The following TSLP variants were observed in gnomAD, a reference collection of about 807,000 sequenced individuals.
TSLP encodes thymic stroma-derived lymphopoietin.
In TSLP, 12 loss-of-function variants were observed where a neutral mutation model predicts 12.4. That is an observed-to-expected ratio of 0.97 (90% CI 0.62 to 1.57). TSLP has a LOEUF of 1.57. Among genes scored for constraint, TSLP ranks in the 40% most tolerant of loss-of-function variants. The pLI is 0.00. For missense variants in TSLP, 222 were observed against 189.6 expected (o/e 1.17, Z -1.00); for synonymous variants, 97 against 69.5 (o/e 1.40, Z -1.97).
At chr5:111,072,861 T>C (rs771372746) in intron 1 of TSLP, 27 bp from the exon 2 acceptor site, 1 of 1,613,548 alleles carries the variant, frequency 6.2e-7, no homozygotes, top group Non-Finnish European at 8.5e-7. Flanking sequence ...GTCTTTACCC[T>C]CTTTGTCCTA....
intron 3 of TSLP, 130 bp from the exon 4 acceptor site, chr5:111,075,816 A>G: frequency 3.2e-6 from 3 of 935,106 alleles, no homozygotes; most frequent in Non-Finnish European, 4.8e-6. Flanking sequence ...ACATGCTAGC[A>G]CATAGTAAGC....
intron 2 of TSLP, 105 bp downstream of exon 2, chr5:111,073,037 C>T (rs1395650593): frequency 1.5e-6 from 2 of 1,374,504 alleles, no homozygotes; most frequent in East Asian, 2.3e-5. Flanking sequence ...GCCTGGGCTC[C>T]GGGACGCCGC....
chr5:111,075,766 G>T (rs1193087634), intron 3 of TSLP, among the ~76,000 whole-genome samples, 180 bp from the exon 4 acceptor site: 1 of 152,142 alleles, frequency 6.6e-6, no homozygotes, highest in Non-Finnish European at 1.5e-5. Flanking sequence ...AGCAAAAGTA[G>T]GTGGGTACAG....
intron 3 of TSLP, among the ~76,000 whole-genome samples, chr5:111,073,856 C>T (rs1488077541): frequency 6.6e-6 from 1 of 152,150 alleles, no homozygotes; most frequent in Non-Finnish European, 1.5e-5. Flanking sequence ...ACTGTTTTGG[C>T]TGAATTATGG....
Position 111,077,667 on chromosome 5 carries a change from C to T in TSLP, c.*1593C>T, listed in dbSNP as rs1752551046. The T allele has an allele frequency of 6.6e-6, 1 of 152,554 alleles. No homozygotes were observed. Among genetic ancestry groups the T allele is most frequent in the African/African-American group, 2.4e-5 (1 of 41,430 alleles). The allele number at this position is 152,554 out of a possible 1,614,324, so 9.5% of individuals were successfully genotyped here. On this transcript the variant is annotated 3_prime_UTR_variant, in exon 4 of 4. Transcript: ENST00000344895. ...TTTCACAAAATTTTGGGCCCAATTC[C>T]CCTAAAAGAATTGAGGATTAGGGAG...
intron 3 of TSLP, among the ~76,000 whole-genome samples, chr5:111,074,773 C>T (rs542997164): frequency 1.6e-4 from 24 of 151,970 alleles, no homozygotes; most frequent in Non-Finnish European, 2.9e-4. Context: ...GTGCCCGCCA[C>T]CACGCCTGGC....
chr5:111,074,542 G>T (rs556410480), intron 3 of TSLP, among the ~76,000 whole-genome samples: 1 of 151,736 alleles, frequency 6.6e-6, no homozygotes, highest in African/African-American at 2.4e-5. Context: ...AACAGAGAGA[G>T]ACAAGTGCAG....
At chr5:111,075,068 G>C (rs571562200) in intron 3 of TSLP, among the ~76,000 whole-genome samples, 2 of 152,260 alleles carry the variant, frequency 1.3e-5, no homozygotes, top group East Asian at 3.9e-4. Flanking sequence ...TCTGCAGATG[G>C]CTACAATAAA....
chr5:111,071,524 GA>G, upstream of TSLP: 3 of 1,548,266 alleles, frequency 1.9e-6, no homozygotes, highest in Non-Finnish European at 2.6e-6. Context: ...GAAGGTGAGG[GA>G]AATTCCTGAT....
intron 3 of TSLP, among the ~76,000 whole-genome samples, chr5:111,074,502 G>A (rs538173647): frequency 2.0e-5 from 3 of 152,228 alleles, no homozygotes; most frequent in Non-Finnish European, 4.4e-5. Flanking sequence ...AGCAAGTAGA[G>A]GATTTATCTT....
intron 3 of TSLP, 85 bp downstream of exon 3, chr5:111,073,730 A>G: frequency 6.9e-7 from 1 of 1,446,222 alleles, no homozygotes; most frequent in Non-Finnish European, 9.4e-7. Context: ...TCGTTCTCTT[A>G]TTTTTATTTA....
intron 3 of TSLP, among the ~76,000 whole-genome samples, chr5:111,074,782 G>A (rs998589929): frequency 6.6e-6 from 1 of 151,912 alleles, no homozygotes; most frequent in African/African-American, 2.4e-5. Flanking sequence ...ACCACGCCTG[G>A]CTAACTTTTG....
Position 111,077,697 on chromosome 5 carries a change from G to A in TSLP, c.*1623G>A, listed in dbSNP as rs552998088. ...AAAGAATTGAGGATTAGGGAGAAAGGAGACAACTCAAAGTCATCCCATTAA... is the reference window on the plus strand; with the variant it reads ...AAAGAATTGAGGATTAGGGAGAAAGAAGACAACTCAAAGTCATCCCATTAA... On this transcript the variant is annotated 3_prime_UTR_variant, in exon 4 of 4. Coordinates refer to ENST00000344895, the MANE Select transcript of TSLP (RefSeq NM_033035.5). 2 of 152,682 alleles carry A rather than the reference G, an allele frequency of 1.3e-5. No individual in the cohort carries two copies. Among genetic ancestry groups the A allele is most frequent in the South Asian group, 4.1e-4 (2 of 4,820 alleles). 9.5% of individuals were successfully genotyped at this position (152,682 alleles called of 1,614,324 possible).
rs1403546097 is a variant in TSLP, at chr5:111,072,063, T to G, written c.171+2T>G. On this transcript the variant is annotated splice_donor_variant, in intron 1 of 3. Transcript: ENST00000344895. LOFTEE classifies it high-confidence loss of function. ...GACCTGATTACATATATGAGTGGGG[T>G]AAGTGAAGAAGCTTTTTTAAAACAA... 16 of 1,604,032 alleles carry G rather than the reference T, an allele frequency of 1.0e-5. No homozygotes were observed. Among genetic ancestry groups the G allele is most frequent in the Non-Finnish European group, 1.4e-5 (16 of 1,172,794 alleles).
chr5:111,073,410 C>T (rs1752398441), intron 2 of TSLP, 101 bp from the exon 3 acceptor site: 28 of 1,569,014 alleles, frequency 1.8e-5, no homozygotes, highest in Non-Finnish European at 2.3e-5. Context: ...TTCCCCGCTC[C>T]TCCCTGACCT....
In TSLP at chr5:111,076,231, T is replaced by A; in HGVS notation, c.*157T>A. On this transcript the variant is annotated 3_prime_UTR_variant, in exon 4 of 4. Transcript: ENST00000344895. ...CTTACTTTTGTAAGTTTTTATTGTG[T>A]AAGTTTATAATGCAGGGGAAGTACT... is the stretch of plus-strand genomic sequence containing the variant. 1.2e-6 allele frequency: 1 copy of A among 847,442 alleles called. No individual in the cohort carries two copies. The highest frequency in any genetic ancestry group is 1.8e-6 in the Non-Finnish European group (1 of 546,586). The allele number at this position is 847,442 out of a possible 1,614,324, so 52.5% of individuals were successfully genotyped here. A position where few individuals can be genotyped will look rare whatever the true frequency, so the allele number is the denominator to read the frequency against.
intron 2 of TSLP, 129 bp downstream of exon 2, chr5:111,073,061 G>C (rs979892509): frequency 1.9e-5 from 21 of 1,118,082 alleles, no homozygotes; most frequent in Non-Finnish European, 2.6e-5. Context: ...CGGGGGAAAG[G>C]GGACATCTGG....
In TSLP at chr5:111,071,818, G is replaced by A. The variant is rs1752343192; in HGVS notation, c.-73G>A. ...TGCTTGAGCACTGGCCCCTAAGGCAGGCCTTACAGATCTCTTACACTCGTG... is the reference window on the plus strand; with the variant it reads ...TGCTTGAGCACTGGCCCCTAAGGCAAGCCTTACAGATCTCTTACACTCGTG... On this transcript the variant is annotated 5_prime_UTR_variant, in exon 1 of 4. Coordinates refer to ENST00000344895, the MANE Select transcript of TSLP (RefSeq NM_033035.5). The A allele has an allele frequency of 1.3e-6, 2 of 1,541,134 alleles. No individual in the cohort carries two copies. The highest frequency in any genetic ancestry group is 1.8e-6 in the Non-Finnish European group (2 of 1,130,536).
Position 111,073,748 on chromosome 5 carries a change from T to C in TSLP, c.351+103T>C, listed in dbSNP as rs539577589. 2.2e-6 allele frequency: 3 copies of C among 1,359,176 alleles called. No homozygotes were observed. The East Asian group carries it at 7.0e-5, about 32-fold the overall frequency. The allele number at this position is 1,359,176 out of a possible 1,614,324, so 84.2% of individuals were successfully genotyped here. A position where few individuals can be genotyped will look rare whatever the true frequency, so the allele number is the denominator to read the frequency against. On this transcript the variant is annotated intron_variant, in intron 3 of 3. Transcript: ENST00000344895. The stretch of plus-strand genomic sequence containing the variant: ...TTCTCTTATTTTTATTTAGGTTTTA[T>C]CTTTCGAAGAGCAAACGAGCCGGGT...
Sources: gnomAD v4.1 joint callset for allele counts (sites outside exome capture counted in the v4.1 genomes callset) on GRCh38, gnomAD v4.1.1 for gene constraint, MANE v1.5 for transcripts, NCBI Gene and HGNC (gene_info 2026-07-23, HGNC 2026-07-21) for gene names.